Variants in SGCD observed in about 807,000 individuals in gnomAD.
The protein encoded by SGCD is sarcoglycan delta.
Under a neutral mutation model 36.6 loss-of-function variants are expected in SGCD, and 18 were observed. The observed-to-expected ratio is 0.49, with a 90% confidence interval of 0.34 to 0.73. The LOEUF (loss-of-function observed/expected upper bound fraction) is 0.73, where lower values mean the gene tolerates loss of function less well. SGCD is among the 30% of genes least tolerant of loss of function. The probability of loss-of-function intolerance (pLI) is 0.01; values close to 1 mark genes in which losing one functional copy is unlikely to be tolerated. For synonymous variants in SGCD, 133 were observed against 130.6 expected (o/e 1.02, Z -0.12); for missense variants, 387 against 346.7 (o/e 1.12, Z -0.92).
At chr5:156,377,384 A>G (rs1770725907) in intron 3 of SGCD, among the ~76,000 whole-genome samples, 2 of 152,234 alleles carry the variant, frequency 1.3e-5, no homozygotes, top group Admixed American at 6.5e-5. Context: ...TCTATCCTGC[A>G]GGCTAGCCTA....
chr5:156,488,540 G>A (rs999489231), intron 3 of SGCD, among the ~76,000 whole-genome samples: 2 of 151,912 alleles, frequency 1.3e-5, no homozygotes, highest in African/African-American at 4.8e-5. Flanking sequence ...CTGCAGCCAA[G>A]AATACTCTAC....
chr5:156,249,801 A>T (rs1172552506), intron 3 of SGCD, among the ~76,000 whole-genome samples: 1 of 152,204 alleles, frequency 6.6e-6, no homozygotes, highest in Non-Finnish European at 1.5e-5. Flanking sequence ...TGTATATACA[A>T]TTTTATCTGC....
At chr5:155,825,534 G>T in the SGCD span, among the ~76,000 whole-genome samples, 1 of 152,110 alleles carries the variant, frequency 6.6e-6, no homozygotes, top group Non-Finnish European at 1.5e-5. Flanking sequence ...TCTCCATATG[G>T]TTCAAGGATT....
intron 1 of SGCD, among the ~76,000 whole-genome samples, chr5:155,897,345 C>T (rs1756287949): frequency 1.3e-5 from 2 of 152,162 alleles, no homozygotes; most frequent in African/African-American, 4.8e-5. Flanking sequence ...ATGAATGGAG[C>T]TTGCAGAACT....
At chr5:156,622,569 G>C (rs989126530) in intron 6 of SGCD, among the ~76,000 whole-genome samples, 1 of 151,342 alleles carries the variant, frequency 6.6e-6, no homozygotes. Flanking sequence ...GAAAAGCATT[G>C]CAAATTTAAT....
chr5:156,308,906 T>G (rs1163600450), intron 3 of SGCD, among the ~76,000 whole-genome samples: 1 of 152,236 alleles, frequency 6.6e-6, no homozygotes, highest in Non-Finnish European at 1.5e-5. Context: ...TTCTCACTTT[T>G]AAATGGCAGA....
At chr5:155,756,166 T>C in the SGCD span, among the ~76,000 whole-genome samples, 1 of 152,172 alleles carries the variant, frequency 6.6e-6, no homozygotes, top group Non-Finnish European at 1.5e-5. Flanking sequence ...CATAGCATAG[T>C]AGAGAAAGCT....
chr5:156,679,893 C>T (rs957101353), intron 7 of SGCD, among the ~76,000 whole-genome samples: 31 of 152,142 alleles, frequency 2.0e-4, no homozygotes, highest in Admixed American at 2.0e-3. Flanking sequence ...ACTAATGCCT[C>T]AGGATTTTAC....
chr5:156,552,397 A>G (rs1758836595), intron 4 of SGCD, among the ~76,000 whole-genome samples: 1 of 152,244 alleles, frequency 6.6e-6, no homozygotes, highest in South Asian at 2.1e-4. Flanking sequence ...TAGGTACAAC[A>G]GTGGGGATGT....
chr5:155,731,716 C>T, the SGCD span, among the ~76,000 whole-genome samples: 5 of 152,170 alleles, frequency 3.3e-5, no homozygotes, highest in African/African-American at 1.2e-4. Context: ...GCCAATGATT[C>T]TCTAACCTTG....
intron 1 of SGCD, among the ~76,000 whole-genome samples, chr5:156,056,618 C>G (rs907656821): frequency 3.1e-4 from 39 of 125,288 alleles, no homozygotes; most frequent in African/African-American, 1.2e-3. Flanking sequence ...TTCTCATTCT[C>G]TGGTCCCCTA....
chr5:156,576,495 G>A (rs1277540643), intron 4 of SGCD, among the ~76,000 whole-genome samples: 2 of 152,132 alleles, frequency 1.3e-5, no homozygotes, highest in Non-Finnish European at 2.9e-5. Context: ...TTGAGGAATT[G>A]CCACACTGTC....
intron 6 of SGCD, among the ~76,000 whole-genome samples, chr5:156,621,240 G>A (rs1366001217): frequency 6.6e-6 from 1 of 152,120 alleles, no homozygotes; most frequent in Non-Finnish European, 1.5e-5. Context: ...TGCCCAGGCT[G>A]GAGTGCAGTG....
rs1019930224 is a variant in SGCD at position 156,132,734 on chromosome 5, C to T, written c.-44+8715C>T. On this transcript the variant is annotated intron_variant, in intron 3 of 9. Coordinates refer to the SGCD transcript ENST00000517913. ...CCGCCCGCCTCGGCCTCCCAAAGTG[C>T]GGGGATTACAGGCGTGAGCCACCGC... is the stretch of plus-strand genomic sequence containing the variant. Among the ~76,000 whole-genome samples the T allele has an allele frequency of 3.9e-5, 6 of 152,142 alleles. No homozygotes were observed. In the East Asian group the frequency reaches 1.2e-3, roughly 29 times the overall value.
At chr5:156,210,145 A>G (rs2127640484) in intron 3 of SGCD, among the ~76,000 whole-genome samples, 1 of 152,178 alleles carries the variant, frequency 6.6e-6, no homozygotes, top group South Asian at 2.1e-4. Context: ...TCAAGGCCCA[A>G]CCCCACAGAC....
intron 3 of SGCD, among the ~76,000 whole-genome samples, chr5:156,415,727 T>A (rs1208960338): frequency 6.6e-6 from 1 of 152,174 alleles, no homozygotes; most frequent in African/African-American, 2.4e-5. Flanking sequence ...TGTCCTCTGC[T>A]TGATTCCAGA....
chr5:155,997,475 C>T (rs544873055), intron 1 of SGCD, among the ~76,000 whole-genome samples: 6 of 152,272 alleles, frequency 3.9e-5, no homozygotes, highest in East Asian at 1.9e-4. Context: ...CAGAGGAATT[C>T]GAATAATGAT....
intron 1 of SGCD, among the ~76,000 whole-genome samples, chr5:155,908,894 G>A (rs1756576995): frequency 6.6e-6 from 1 of 152,162 alleles, no homozygotes; most frequent in Non-Finnish European, 1.5e-5. Flanking sequence ...CACCATAGTA[G>A]GTGCTCAATG....
rs1403771894 is a variant in SGCD, at chr5:156,049,859, G to T, written c.-281-68019G>T. On this transcript the variant is annotated intron_variant, in intron 1 of 9. Transcript: ENST00000517913. ...GGAGGAAGAAATTGCAGATGTGGTG[G>T]AACTAGCCAGAGAACTGGAATTAGA... 6.2e-5 allele frequency among the ~76,000 whole-genome samples: 9 copies of T among 146,312 alleles called. 3 individuals carry two copies. Among genetic ancestry groups the T allele is most frequent in the Non-Finnish European group, 1.4e-4 (9 of 64,920 alleles).
Sources: allele counts gnomAD v4.1 joint callset (sites outside exome capture counted in the v4.1 genomes callset), GRCh38; gene constraint gnomAD v4.1.1; transcripts MANE v1.5; gene names NCBI Gene and HGNC (gene_info 2026-07-23, HGNC 2026-07-21).